Variants in DNAH10 observed in about 807,000 individuals in gnomAD.
The protein encoded by DNAH10 is dynein axonemal heavy chain 10.
A neutral mutation model predicts 506.6 loss-of-function variants in DNAH10; 348 were observed. The observed-to-expected ratio is 0.69, with a 90% CI of 0.63 to 0.75. The LOEUF is 0.75. Ranked by LOEUF, DNAH10 falls within the 30% of genes least tolerant of loss-of-function variation. DNAH10 has a pLI of 0.00. For synonymous variants in DNAH10, 2,059 were observed against 2,198.6 expected, an observed-to-expected ratio of 0.94 and a Z score of 1.78; for missense variants, 5,179 against 5,787.1, an observed-to-expected ratio of 0.89 and a Z score of 3.41.
chr12:123,848,945 C>T lies in DNAH10; in HGVS notation c.6102+63C>T, dbSNP rs1951059744. On this transcript the variant is annotated intron_variant, in intron 34 of 78. Transcript: ENST00000673944. ...ATGGAAGTTTGCCAAGTATGGTAAG[C>T]TTCCTCTGTAGCGTCAGTTTCTGGG... The T allele has an allele frequency of 2.5e-6, 4 of 1,579,734 alleles. No individual in the cohort carries two copies. In the East Asian group the frequency reaches 9.2e-5, roughly 36 times the overall value.
At position 123,907,226 on chromosome 12, in the gene DNAH10, C is replaced by T. The variant is rs78804161; in HGVS notation, c.9816-2035C>T. Among the ~76,000 whole-genome samples, 2,715 of 152,234 alleles carry T rather than the reference C, an allele frequency of 0.018. 84 individuals carry two copies. Among genetic ancestry groups the T allele is most frequent in the African/African-American group, 0.061 (2,529 of 41,524 alleles). On this transcript the variant is annotated intron_variant, in intron 57 of 78. Coordinates refer to ENST00000673944, the MANE Select transcript of DNAH10 (RefSeq NM_001372106.1). This position sits in a 1 kb window ranked among gnomAD's most constrained non-coding sequence, Gnocchi z 4.4. ...CTGACCTAGTCATGGTCATGGAGGG[C>T]GGAGGGGGCACCTTCTCTGAGATTG...
rs530109003 is a variant in DNAH10, at chr12:123,907,594, T to A, written c.9816-1667T>A. On this transcript the variant is annotated intron_variant, in intron 57 of 78. Coordinates refer to ENST00000673944, the MANE Select transcript of DNAH10 (RefSeq NM_001372106.1). This position sits in a 1 kb window ranked among gnomAD's most constrained non-coding sequence, Gnocchi z 4.4. ...CTCAGAGGATTTGGGAACTGGAAGG[T>A]TCCAGTTCTGCGTCTCTACTTCACA... is the stretch of plus-strand genomic sequence containing the variant. 2.6e-5 allele frequency among the ~76,000 whole-genome samples: 4 copies of A among 152,210 alleles called. No homozygotes were observed. The South Asian group carries it at 8.3e-4, about 32-fold the overall frequency.
chr12:123,861,691 C>G (rs1951618426), intron 39 of DNAH10, among the ~76,000 whole-genome samples: 1 of 152,238 alleles, frequency 6.6e-6, no homozygotes, highest in Non-Finnish European at 1.5e-5. Flanking sequence ...CAGAAATGCT[C>G]TGAGGGTGTG....
At chr12:123,800,463 G>T in intron 15 of DNAH10, 75 bp downstream of exon 15, 1 of 1,335,372 alleles carries the variant, frequency 7.5e-7, no homozygotes. Flanking sequence ...AAAAATTATT[G>T]AGGACCCCTC....
At chr12:123,848,330 A>C (rs1047513964) in intron 33 of DNAH10, among the ~76,000 whole-genome samples, 1 of 152,204 alleles carries the variant, frequency 6.6e-6, no homozygotes, top group African/African-American at 2.4e-5. Flanking sequence ...TTGATAATGT[A>C]CGTGAGTAAA....
chr12:123,817,499 G>A (rs1959170098), intron 21 of DNAH10, among the ~76,000 whole-genome samples: 1 of 152,060 alleles, frequency 6.6e-6, no homozygotes, highest in Non-Finnish European at 1.5e-5. Context: ...TTGAGTGCTT[G>A]ATTTCAGGTA....
chr12:123,864,143 C>CTTTTTTTT (rs770676668), intron 39 of DNAH10, among the ~76,000 whole-genome samples: 5 of 117,132 alleles, frequency 4.3e-5, no homozygotes, highest in Non-Finnish European at 6.8e-5. Context: ...ACTTTTTTTT[C>CTTTTTTTT]TTTTTTTTTT....
rs1954644389 is a variant in DNAH10 at position 123,919,713 on chromosome 12, G to T, written c.11506+764G>T. Reference sequence around the variant, plus strand: ...CACTTCATGTCAATGGCATCATACGGTGTGTGACTTCATGACTGGTATCTT... The same window carrying T: ...CACTTCATGTCAATGGCATCATACGTTGTGTGACTTCATGACTGGTATCTT... On this transcript the variant is annotated intron_variant, in intron 65 of 78. Coordinates refer to ENST00000673944, the MANE Select transcript of DNAH10 (RefSeq NM_001372106.1). This position sits in a 1 kb window ranked among gnomAD's most constrained non-coding sequence, Gnocchi z 4.9. Among the ~76,000 whole-genome samples the T allele has an allele frequency of 6.6e-6, 1 of 152,304 alleles. No homozygotes were observed. The highest frequency in any genetic ancestry group is 2.1e-4 in the South Asian group (1 of 4,828).
intron 10 of DNAH10, among the ~76,000 whole-genome samples, chr12:123,789,176 AG>A (rs1957983169): frequency 6.6e-6 from 1 of 151,656 alleles, no homozygotes; most frequent in South Asian, 2.1e-4. Context: ...TGAACCTGGG[AG>A]GTGGAGGTTG....
At chr12:123,930,871 G>C (rs1189221046) in intron 73 of DNAH10, among the ~76,000 whole-genome samples, 1 of 152,110 alleles carries the variant, frequency 6.6e-6, no homozygotes, top group African/African-American at 2.4e-5. Flanking sequence ...GGGTGTGGTA[G>C]TGTAGAATTT....
chr12:123,860,058 A>C (rs1176678942), intron 38 of DNAH10, among the ~76,000 whole-genome samples: 3 of 151,868 alleles, frequency 2.0e-5, no homozygotes, highest in African/African-American at 7.3e-5. Flanking sequence ...AGAGTATGTC[A>C]TAAAAGCCTG....
rs2136938824 is a variant in DNAH10, at chr12:123,867,961, A to C, written c.7361A>C (p.Asp2454Ala). Residue 2454 changes from aspartate to alanine, a missense_variant, in exon 43 of 79, where the codon GAC (aspartate) becomes GCC (alanine). This residue lies in a region of DNAH10 where 4,844 missense variants were observed against 5,430.5 expected (regional missense o/e 0.89). Coordinates refer to ENST00000673944, the MANE Select transcript of DNAH10 (RefSeq NM_001372106.1). The part of the protein sequence containing the change: ...ALLEGEIEDL[D>A]LLECYFLEAL... ...CTAGAAGGAGAAATAGAAGACCTTG[A>C]CCTGCTGGAGTGCTACTTCCTGGAG... The C allele has an allele frequency of 6.2e-7, 1 of 1,613,868 alleles. No homozygotes were observed. Among genetic ancestry groups the C allele is most frequent in the South Asian group, 1.1e-5 (1 of 91,062 alleles).
rs1955137685 is a variant in DNAH10 at position 123,930,117 on chromosome 12, TGTTTGTTTGATGTGTTTGGGGGACTTTG to T, written c.12613-284_12613-257del. The T allele has an allele frequency of 5.8e-6, 3 of 520,390 alleles. No individual in the cohort carries two copies. The East Asian group carries it at 9.3e-5, about 16-fold the overall frequency. The allele number at this position is 520,390 out of a possible 1,614,324, so 32.2% of individuals were successfully genotyped here. On this transcript the variant is annotated intron_variant, in intron 72 of 78. Coordinates refer to ENST00000673944, the MANE Select transcript of DNAH10 (RefSeq NM_001372106.1). ...AGAAGCAGCTGCTGGCTTCTTCAGCTGTTTGTTTGATGTGTTTGGGGGACTTTGCCTGCTGCACAGGAGCTCCCAACAC... is the reference window on the plus strand; with the variant it reads ...AGAAGCAGCTGCTGGCTTCTTCAGCTCCTGCTGCACAGGAGCTCCCAACAC...
rs772976346 is a variant in DNAH10, at chr12:123,914,849, C to T, written c.10575-3C>T. 1 of 1,612,444 alleles carries T rather than the reference C, an allele frequency of 6.2e-7. No homozygotes were observed. The highest frequency in any genetic ancestry group is 8.5e-7 in the Non-Finnish European group (1 of 1,179,432). ...TTCATTTCCCAATGGCTGTTTCTTCCAGATGGGGATCCCAGGGCCTTCCCC... is the reference window on the plus strand; with the variant it reads ...TTCATTTCCCAATGGCTGTTTCTTCTAGATGGGGATCCCAGGGCCTTCCCC... On this transcript the variant is annotated splice_region_variant and splice_polypyrimidine_tract_variant and intron_variant, in intron 61 of 78. Transcript: ENST00000673944.
chr12:123,879,602 G>A lies in DNAH10; in HGVS notation c.8467-32G>A, dbSNP rs535009090. 9.1e-5 allele frequency: 146 copies of A among 1,613,198 alleles called. 3 individuals carry two copies. In the South Asian group the frequency reaches 1.3e-3, roughly 14 times the overall value. On this transcript the variant is annotated intron_variant, in intron 49 of 78. Transcript: ENST00000673944. Reference sequence around the variant, plus strand: ...GTTTCAGGCCGTGTACTGTTGTTGAGTTTGGGTCCTTAAGTGGGCTTCTGT... The same window carrying A: ...GTTTCAGGCCGTGTACTGTTGTTGAATTTGGGTCCTTAAGTGGGCTTCTGT...
At chr12:123,834,187 C>T (rs1960884032) in intron 27 of DNAH10, among the ~76,000 whole-genome samples, 2 of 152,108 alleles carry the variant, frequency 1.3e-5, no homozygotes. Context: ...TGGGATATAG[C>T]ACTGTTTTTT....
chr12:123,817,645 C>T (rs969424172), intron 21 of DNAH10, among the ~76,000 whole-genome samples: 5 of 152,034 alleles, frequency 3.3e-5, no homozygotes, highest in East Asian at 1.9e-4. Flanking sequence ...ATAACTCTGT[C>T]GTGATCATTT....
chr12:123,893,379 G>A lies in DNAH10; in HGVS notation c.9142G>A (p.Val3048Ile), dbSNP rs1953074602. 1 of 1,613,706 alleles carries A rather than the reference G, an allele frequency of 6.2e-7. No individual in the cohort carries two copies. Among genetic ancestry groups the A allele is most frequent in the African/African-American group, 1.3e-5 (1 of 74,942 alleles). Residue 3048 changes from valine to isoleucine, a missense_variant, in exon 53 of 79, where the codon GTC (valine) becomes ATC (isoleucine). By Grantham distance (29) the Val-to-Ile change is conservative. Transcript: ENST00000673944. ...VNKSANNLHI[V>I]LGMSPVGDTL... The stretch of plus-strand genomic sequence containing the variant: ...CAAAAGTGCAAATAACCTGCACATT[G>A]TCCTGGGCATGTCGCCAGTGGGGGA...
intron 37 of DNAH10, among the ~76,000 whole-genome samples, chr12:123,858,552 T>C (rs1304506769): frequency 6.6e-6 from 1 of 151,886 alleles, no homozygotes; most frequent in Non-Finnish European, 1.5e-5. Flanking sequence ...AAACCGAGAG[T>C]TACCATAAGA....
Sources: gnomAD v4.1 joint callset for allele counts (sites outside exome capture counted in the v4.1 genomes callset) on GRCh38, gnomAD v4.1.1 for gene constraint, gnomAD v4.1.1 regional missense constraint, Gnocchi (gnomAD v3.1) non-coding constraint, MANE v1.5 for transcripts, NCBI Gene and HGNC (gene_info 2026-07-23, HGNC 2026-07-21) for gene names.